PARD3B: variants seen among roughly 807,000 people sequenced by gnomAD.
PARD3B encodes partitioning defective 3 homolog B.
In PARD3B, 103 loss-of-function variants were observed where a neutral mutation model predicts 130.2. The observed-to-expected ratio is 0.79, with a 90% CI of 0.67 to 0.93. The LOEUF (loss-of-function observed/expected upper bound fraction) is 0.93, where lower values mean the gene tolerates loss of function less well. Among genes scored for constraint, PARD3B ranks in the 40% least tolerant of loss-of-function variants. PARD3B has a pLI of 0.00. For synonymous variants in PARD3B, 583 were observed against 553.2 expected (o/e 1.05, Z -0.76); for missense variants, 1,609 against 1,499.2 (o/e 1.07, Z -1.21).
rs1361497374 is a variant in PARD3B, at chr2:205,351,956, C to T, written c.2631-49057C>T. ...CACGCGTATTGCTGAGGAAACACAA[C>T]CAACACCCACTGTTTCAAAGAAAAC... is the stretch of plus-strand genomic sequence containing the variant. On this transcript the variant is annotated intron_variant, in intron 18 of 22. Coordinates refer to ENST00000406610, the MANE Select transcript of PARD3B (RefSeq NM_001302769.2). The surrounding 1 kb of genome is among the most constrained non-coding windows in gnomAD (Gnocchi z 4.2). 6.6e-6 allele frequency among the ~76,000 whole-genome samples: 1 copy of T among 152,126 alleles called. No individual in the cohort carries two copies. Among genetic ancestry groups the T allele is most frequent in the South Asian group, 2.1e-4 (1 of 4,822 alleles).
rs151168727 is a variant in PARD3B at position 205,467,689 on chromosome 2, C to T, written c.3044+27017C>T. 2.2e-3 allele frequency among the ~76,000 whole-genome samples: 328 copies of T among 152,208 alleles called. 3 individuals are homozygous for T. Among genetic ancestry groups the T allele is most frequent in the African/African-American group, 7.7e-3 (319 of 41,538 alleles). On this transcript the variant is annotated intron_variant, in intron 20 of 22. Coordinates refer to ENST00000406610, the MANE Select transcript of PARD3B (RefSeq NM_001302769.2). ...GTAATCAGAAGTGGCTATTGGCTGC[C>T]ATATTAGACAGCATTAGAACCCCTT...
intron 3 of PARD3B, among the ~76,000 whole-genome samples, chr2:205,043,520 C>T (rs1435875515): frequency 2.0e-5 from 3 of 152,138 alleles, no homozygotes; most frequent in Non-Finnish European, 4.4e-5. Context: ...GGGTCCTCTC[C>T]ACTGTCCTGA....
intron 2 of PARD3B, among the ~76,000 whole-genome samples, chr2:204,687,250 A>G (rs918837574): frequency 2.0e-5 from 3 of 152,122 alleles, no homozygotes; most frequent in Admixed American, 1.3e-4. Context: ...ACTTACATTA[A>G]TCTTTGCAGA....
chr2:204,842,706 G>A (rs937170185), intron 2 of PARD3B, among the ~76,000 whole-genome samples: 2 of 152,144 alleles, frequency 1.3e-5, no homozygotes, highest in Non-Finnish European at 2.9e-5. Flanking sequence ...GAAACAATGT[G>A]TTTTGTAATG....
At chr2:205,526,343 G>T (rs1290010416) in intron 21 of PARD3B, among the ~76,000 whole-genome samples, 1 of 152,178 alleles carries the variant, frequency 6.6e-6, no homozygotes, top group Admixed American at 6.5e-5. Context: ...ACAGAACCTT[G>T]CCTTCAAAAT....
intron 2 of PARD3B, among the ~76,000 whole-genome samples, chr2:204,884,985 T>C (rs1209375914): frequency 6.6e-6 from 1 of 152,222 alleles, no homozygotes; most frequent in African/African-American, 2.4e-5. Flanking sequence ...ATCCTTTGGG[T>C]ATATACCCAG....
chr2:205,609,448 G>A (rs1166138922), intron 22 of PARD3B, among the ~76,000 whole-genome samples: 5 of 152,104 alleles, frequency 3.3e-5, no homozygotes, highest in Non-Finnish European at 7.3e-5. Context: ...ACCTCTCTTA[G>A]ACAGCTCACA....
intron 2 of PARD3B, among the ~76,000 whole-genome samples, chr2:204,951,592 T>C (rs1351341069): frequency 1.3e-5 from 2 of 152,250 alleles, no homozygotes; most frequent in African/African-American, 2.4e-5. Context: ...ATAGATGAAC[T>C]CTCTGAGAGA....
At chr2:204,639,562 A>T (rs1378850043) in intron 1 of PARD3B, among the ~76,000 whole-genome samples, 11 of 152,182 alleles carry the variant, frequency 7.2e-5, no homozygotes, top group Non-Finnish European at 1.6e-4. Context: ...TTCCCTAAGC[A>T]ATAGAGTATA....
intron 4 of PARD3B, among the ~76,000 whole-genome samples, chr2:205,088,142 C>T (rs1701855743): frequency 6.6e-6 from 1 of 152,176 alleles, no homozygotes; most frequent in Admixed American, 6.5e-5. Context: ...GGCCATAACT[C>T]ATGGGCACTC....
intron 20 of PARD3B, among the ~76,000 whole-genome samples, chr2:205,483,420 C>T (rs1437232104): frequency 1.3e-5 from 2 of 152,192 alleles, no homozygotes; most frequent in Admixed American, 1.3e-4. Context: ...CTACAGACTT[C>T]AGAGCTTTAG....
At chr2:205,457,168 T>C (rs1481044809) in intron 20 of PARD3B, among the ~76,000 whole-genome samples, 1 of 151,906 alleles carries the variant, frequency 6.6e-6, no homozygotes, top group African/African-American at 2.4e-5. Context: ...ATGTCCTTGA[T>C]AACTGTAACG....
intron 10 of PARD3B, among the ~76,000 whole-genome samples, chr2:205,149,371 C>A (rs1559485974): frequency 6.6e-6 from 1 of 152,098 alleles, no homozygotes; most frequent in South Asian, 2.1e-4. Context: ...AGCCACTGTG[C>A]CTTGCCCCAT....
intron 18 of PARD3B, among the ~76,000 whole-genome samples, chr2:205,381,526 C>T (rs555046003): frequency 6.6e-6 from 1 of 151,808 alleles, no homozygotes; most frequent in Non-Finnish European, 1.5e-5. Context: ...TAATTTGTCT[C>T]CTCTAGTTTT....
chr2:204,848,622 G>A (rs2044564660), intron 2 of PARD3B, among the ~76,000 whole-genome samples: 1 of 150,796 alleles, frequency 6.6e-6, no homozygotes, highest in Admixed American at 6.6e-5. Flanking sequence ...CTCCAGCCTG[G>A]ATGATAGAGT....
chr2:204,796,795 G>A (rs759223622), intron 2 of PARD3B, among the ~76,000 whole-genome samples: 1 of 152,066 alleles, frequency 6.6e-6, no homozygotes, highest in Non-Finnish European at 1.5e-5. Flanking sequence ...TTGTGTATTC[G>A]AATCCAGGTA....
intron 2 of PARD3B, among the ~76,000 whole-genome samples, chr2:204,807,054 A>G (rs940402793): frequency 2.0e-5 from 3 of 152,168 alleles, no homozygotes; most frequent in African/African-American, 7.2e-5. Flanking sequence ...CATGTCTTAC[A>G]TGGTGGCAGG....
At chr2:205,018,351 C>T (rs1014694774) in intron 3 of PARD3B, among the ~76,000 whole-genome samples, 1 of 152,016 alleles carries the variant, frequency 6.6e-6, no homozygotes, top group African/African-American at 2.4e-5. Flanking sequence ...ATGTAATATC[C>T]AGAACATGAA....
At chr2:204,916,973 T>C (rs1051422561) in intron 2 of PARD3B, among the ~76,000 whole-genome samples, 12 of 152,204 alleles carry the variant, frequency 7.9e-5, no homozygotes, top group African/African-American at 2.9e-4. Flanking sequence ...CCCTGTTCTC[T>C]TGGTTTTAAC....
Sources: allele counts gnomAD v4.1 joint callset (sites outside exome capture counted in the v4.1 genomes callset), GRCh38; gene constraint gnomAD v4.1.1; non-coding constraint Gnocchi (gnomAD v3.1); transcripts MANE v1.5; gene names NCBI Gene and HGNC (gene_info 2026-07-23, HGNC 2026-07-21).